Variants in TLK1 observed in about 807,000 individuals in gnomAD.
TLK1 encodes the protein tousled like kinase 1.
Under a neutral mutation model 105.3 loss-of-function variants are expected in TLK1, and 24 were observed. The observed-to-expected ratio is 0.23, with a 90% CI of 0.17 to 0.32. The LOEUF is 0.32. Ranked by LOEUF, TLK1 falls within the 10% of genes least tolerant of loss-of-function variation. The probability of loss-of-function intolerance (pLI) is 1.00; values close to 1 mark genes in which losing one functional copy is unlikely to be tolerated. For synonymous variants in TLK1, 321 were observed against 310.4 expected, an observed-to-expected ratio of 1.03 and a Z score of -0.36; for missense variants, 558 against 910.5, an observed-to-expected ratio of 0.61 and a Z score of 4.98.
chr2:171,021,669 C>CT (rs1391899725), intron 12 of TLK1, among the ~76,000 whole-genome samples: 2 of 152,248 alleles, frequency 1.3e-5, no homozygotes, highest in East Asian at 3.9e-4. Flanking sequence ...ACTGTTTTCT[C>CT]TTTTTTGTGA....
intron 11 of TLK1, among the ~76,000 whole-genome samples, chr2:171,028,676 A>C (rs1206250885): frequency 6.6e-6 from 1 of 152,240 alleles, no homozygotes; most frequent in African/African-American, 2.4e-5. Context: ...TTTTAGATGA[A>C]ACAGTTAACT....
At chr2:171,124,717 C>T (rs2356607) in intron 1 of TLK1, among the ~76,000 whole-genome samples, 38,602 of 152,032 alleles carry the variant, frequency 0.25, 5,130 homozygotes, top group Middle Eastern at 0.35. Context: ...TTTGCTGCTC[C>T]GTATGTATTC....
intron 1 of TLK1, among the ~76,000 whole-genome samples, chr2:171,223,999 G>A (rs760331665): frequency 1.8e-4 from 28 of 151,860 alleles, no homozygotes; most frequent in Non-Finnish European, 3.8e-4. Flanking sequence ...CTGTGCTTTT[G>A]AGGTCTTACT....
chr2:171,062,320 T>C (rs1687793880), intron 3 of TLK1, among the ~76,000 whole-genome samples: 1 of 152,328 alleles, frequency 6.6e-6, no homozygotes, highest in South Asian at 2.1e-4. Flanking sequence ...CTTAAAAGCA[T>C]CATGGTCCCC....
At chr2:171,154,980 G>A (rs1311897997) in intron 1 of TLK1, among the ~76,000 whole-genome samples, 1 of 152,200 alleles carries the variant, frequency 6.6e-6, no homozygotes, top group Non-Finnish European at 1.5e-5. Context: ...ATTAAAATAT[G>A]AATTGTTATA....
chr2:171,136,498 G>A (rs566386937), intron 1 of TLK1, among the ~76,000 whole-genome samples: 109 of 152,080 alleles, frequency 7.2e-4, no homozygotes, highest in Non-Finnish European at 1.3e-3. Flanking sequence ...CCTGGGAGGC[G>A]GAGGTTGCAC....
intron 12 of TLK1, among the ~76,000 whole-genome samples, chr2:171,021,677 T>G (rs928989301): frequency 6.6e-6 from 1 of 152,164 alleles, no homozygotes; most frequent in Non-Finnish European, 1.5e-5. Flanking sequence ...CTCTTTTTTG[T>G]GAAAGTTATC....
chr2:171,119,380 T>G (rs1425988924), intron 1 of TLK1, among the ~76,000 whole-genome samples: 1 of 152,188 alleles, frequency 6.6e-6, no homozygotes, highest in African/African-American at 2.4e-5. Flanking sequence ...TGTTCTCTCT[T>G]AACTGCAAAT....
Position 170,990,888 on chromosome 2 carries a change from T to TAAA in TLK1, c.*2889_*2891dup, listed in dbSNP as rs976022929. On this transcript the variant is annotated 3_prime_UTR_variant, in exon 21 of 21. Transcript: ENST00000431350. ...GCAAAACAACACACAATATACTCTT[T>TAAA]AAATGTTTCACTGAAGCTCTTCACC... 7 of 152,190 alleles carry TAAA rather than the reference T, an allele frequency of 4.6e-5. No individual in the cohort carries two copies. The highest frequency in any genetic ancestry group is 1.7e-4 in the African/African-American group (7 of 41,428). 9.4% of individuals were successfully genotyped at this position (152,190 alleles called of 1,614,324 possible). A position where few individuals can be genotyped will look rare whatever the true frequency, so the allele number is the denominator to read the frequency against.
chr2:171,218,243 C>T lies in TLK1; in HGVS notation c.-6+12902G>A, dbSNP rs116904883. 1.3e-3 allele frequency among the ~76,000 whole-genome samples: 198 copies of T among 152,220 alleles called. 3 individuals are homozygous for T. In the East Asian group the frequency reaches 0.036, roughly 28 times the overall value. ...ACTCCAGCCTGGTGACAGAGGGAGA[C>T]TCCATCGCATAACAAACAAACAAAC... On this transcript the variant is annotated intron_variant, in intron 1 of 20. Transcript: ENST00000521943.
chr2:171,000,912 T>C (rs1224072901), intron 18 of TLK1, among the ~76,000 whole-genome samples: 1 of 152,188 alleles, frequency 6.6e-6, no homozygotes, highest in East Asian at 1.9e-4. Context: ...TGGCACCAGT[T>C]TGGAAGCACT....
intron 1 of TLK1, among the ~76,000 whole-genome samples, chr2:171,192,454 C>T (rs1027911280): frequency 2.0e-5 from 3 of 152,012 alleles, no homozygotes; most frequent in African/African-American, 2.4e-5. Flanking sequence ...CCGAGGCGGG[C>T]GGATCACGAG....
At chr2:171,054,009 C>T in intron 7 of TLK1, 156 bp from the exon 8 acceptor site, 1 of 518,498 alleles carries the variant, frequency 1.9e-6, no homozygotes, top group South Asian at 2.8e-5. Flanking sequence ...GTTTTAATAA[C>T]TTCAAGTGTA....
At chr2:171,099,845 G>A (rs1689614987) in intron 2 of TLK1, among the ~76,000 whole-genome samples, 1 of 152,116 alleles carries the variant, frequency 6.6e-6, no homozygotes. Context: ...TACCATATAT[G>A]CAAATTAACT....
At chr2:171,120,082 A>G (rs752465794) in intron 1 of TLK1, among the ~76,000 whole-genome samples, 4 of 151,940 alleles carry the variant, frequency 2.6e-5, no homozygotes, top group Non-Finnish European at 5.9e-5. Context: ...AAACGTCTCT[A>G]CTAAAAATAC....
intron 2 of TLK1, among the ~76,000 whole-genome samples, chr2:171,107,755 C>G (rs1558945851): frequency 6.6e-6 from 1 of 152,004 alleles, no homozygotes; most frequent in Non-Finnish European, 1.5e-5. Context: ...TGAATTATAA[C>G]AACAGAATAA....
intron 12 of TLK1, among the ~76,000 whole-genome samples, chr2:171,017,539 G>C (rs1685267347): frequency 6.6e-6 from 1 of 152,168 alleles, no homozygotes; most frequent in Non-Finnish European, 1.5e-5. Flanking sequence ...ATAGGTTGTT[G>C]ATGAACATAA....
intron 13 of TLK1, among the ~76,000 whole-genome samples, chr2:171,013,196 A>G (rs570012323): frequency 6.6e-6 from 1 of 151,704 alleles, no homozygotes; most frequent in East Asian, 1.9e-4. Flanking sequence ...TATTTTTAGT[A>G]GAGATGGGGT....
At chr2:171,199,703 A>T (rs1483966163) in intron 1 of TLK1, among the ~76,000 whole-genome samples, 1 of 152,128 alleles carries the variant, frequency 6.6e-6, no homozygotes, top group African/African-American at 2.4e-5. Flanking sequence ...CTGGGGAAAA[A>T]CTTTTCAATT....
Sources: allele counts gnomAD v4.1 joint callset (sites outside exome capture counted in the v4.1 genomes callset), GRCh38; gene constraint gnomAD v4.1.1; transcripts MANE v1.5; gene names NCBI Gene and HGNC (gene_info 2026-07-23, HGNC 2026-07-21).